The following HPCAL1 variants were observed in gnomAD, a reference collection of about 807,000 sequenced individuals.
HPCAL1 encodes the protein hippocalcin like 1.
In HPCAL1, 8 loss-of-function variants were observed where a neutral mutation model predicts 17.1. The observed-to-expected ratio is 0.47, with a 90% CI of 0.27 to 0.84. HPCAL1 has a LOEUF of 0.84. Ranked by LOEUF, HPCAL1 falls within the 40% of genes least tolerant of loss-of-function variation. HPCAL1 has a pLI of 0.13. For synonymous variants in HPCAL1, 112 were observed against 111.4 expected (o/e 1.01, Z -0.03); for missense variants, 165 against 271.1 (o/e 0.61, Z 2.75).
intron 1 of HPCAL1, among the ~76,000 whole-genome samples, chr2:10,340,765 G>A (rs544281480): frequency 2.6e-4 from 40 of 152,226 alleles, no homozygotes; most frequent in African/African-American, 8.7e-4. Flanking sequence ...GCAGGGCCCC[G>A]CAGTTCCCCC....
At chr2:10,306,562 A>G (rs1000672042) in intron 1 of HPCAL1, among the ~76,000 whole-genome samples, 27 of 152,348 alleles carry the variant, frequency 1.8e-4, no homozygotes, top group Middle Eastern at 3.4e-3. Flanking sequence ...ATATGGAGAC[A>G]GCAGCATGGG....
intron 3 of HPCAL1, among the ~76,000 whole-genome samples, chr2:10,420,693 CCAA>C (rs1334291813): frequency 2.6e-5 from 4 of 152,188 alleles, no homozygotes; most frequent in Non-Finnish European, 4.4e-5. Flanking sequence ...TCTTCATAAC[CCAA>C]CAACGTGGGT....
chr2:10,396,177 AT>A (rs1285402692), intron 1 of HPCAL1, among the ~76,000 whole-genome samples: 1 of 152,220 alleles, frequency 6.6e-6, no homozygotes, highest in Non-Finnish European at 1.5e-5. Context: ...TGCGGGCTGA[AT>A]GTCAGGTGAT....
intron 1 of HPCAL1, among the ~76,000 whole-genome samples, chr2:10,332,453 C>A (rs2125423466): frequency 6.6e-6 from 1 of 152,294 alleles, no homozygotes; most frequent in South Asian, 2.1e-4. Context: ...GCCCCCTGCC[C>A]CTTATCTAGA....
chr2:10,408,368 G>A (rs554345396), intron 2 of HPCAL1, among the ~76,000 whole-genome samples: 30 of 152,302 alleles, frequency 2.0e-4, no homozygotes, highest in East Asian at 9.6e-4. Context: ...AGAAGGTTTC[G>A]GTTGGATTTC....
chr2:10,322,743 A>G (rs1663743854), intron 1 of HPCAL1, among the ~76,000 whole-genome samples: 1 of 152,234 alleles, frequency 6.6e-6, no homozygotes, highest in Admixed American at 6.5e-5. Context: ...GCAGAAGAAG[A>G]CTGGGACCTT....
intron 1 of HPCAL1, among the ~76,000 whole-genome samples, chr2:10,315,736 G>A (rs1663274465): frequency 6.6e-6 from 1 of 152,208 alleles, no homozygotes. Context: ...TCCACGTGCG[G>A]TGGCTCATGC....
At chr2:10,415,735 G>A (rs1482884944) in intron 2 of HPCAL1, among the ~76,000 whole-genome samples, 1 of 152,122 alleles carries the variant, frequency 6.6e-6, no homozygotes, top group African/African-American at 2.4e-5. Context: ...AGAGCTCCAG[G>A]AAGTTGACCA....
intron 1 of HPCAL1, among the ~76,000 whole-genome samples, chr2:10,360,627 G>A (rs906078699): frequency 6.6e-6 from 1 of 152,172 alleles, no homozygotes; most frequent in African/African-American, 2.4e-5. Context: ...TGGCCAGGCT[G>A]GTCTGAAACT....
chr2:10,316,277 T>C (rs1015712074), intron 1 of HPCAL1, among the ~76,000 whole-genome samples: 1 of 152,182 alleles, frequency 6.6e-6, no homozygotes, highest in Non-Finnish European at 1.5e-5. Flanking sequence ...CCTTACTGTT[T>C]GTCATTCTAA....
rs973522691 is a variant in HPCAL1 at position 10,321,935 on chromosome 2, T to G, written c.-111+18758T>G. On this transcript the variant is annotated intron_variant, in intron 1 of 4. Transcript: ENST00000307845. The stretch of plus-strand genomic sequence containing the variant: ...AACAATGCTGCGAGGAACAAGTTTT[T>G]TTTGTACAAGCGTGCAAGTTTTTTG... Among the ~76,000 whole-genome samples the G allele has an allele frequency of 3.3e-5, 5 of 152,272 alleles. No individual in the cohort carries two copies. The East Asian group carries it at 9.6e-4, about 29-fold the overall frequency.
At chr2:10,332,557 G>A (rs1664451837) in intron 1 of HPCAL1, among the ~76,000 whole-genome samples, 1 of 152,184 alleles carries the variant, frequency 6.6e-6, no homozygotes, top group Non-Finnish European at 1.5e-5. Flanking sequence ...CCCTAGCTGG[G>A]CTGCAGGCTT....
chr2:10,388,675 T>TGA (rs1572786580), intron 1 of HPCAL1, among the ~76,000 whole-genome samples: 1 of 152,308 alleles, frequency 6.6e-6, no homozygotes, highest in Non-Finnish European at 1.5e-5. Context: ...GTGCTTAAAA[T>TGA]GAAATATAAA....
At position 10,419,330 on chromosome 2, in the gene HPCAL1, C is replaced by T. The variant is rs963181134; in HGVS notation, c.-24-404C>T. On this transcript the variant is annotated intron_variant, in intron 2 of 4. Transcript: ENST00000307845. The surrounding 1 kb of genome is among the most constrained non-coding windows in gnomAD (Gnocchi z 5.0). ...TGATGCCTGAAAGAGGGAAGAACTG[C>T]CCCAAAGAGTCTGGGATGTGGCTGA... Among the ~76,000 whole-genome samples, 3 of 152,162 alleles carry T rather than the reference C, an allele frequency of 2.0e-5. No homozygotes were observed. Among genetic ancestry groups the T allele is most frequent in the Non-Finnish European group, 4.4e-5 (3 of 68,034 alleles).
At position 10,420,491 on chromosome 2, in the gene HPCAL1, T is replaced by C. The variant is rs113136809; in HGVS notation, c.378+356T>C. ...AATGACAGGTGTGAGCCACCGTGCC[T>C]GGCCTCCCTGTGTTCTTTATGTTCA... On this transcript the variant is annotated intron_variant, in intron 3 of 4. Coordinates refer to ENST00000307845, the MANE Select transcript of HPCAL1 (RefSeq NM_002149.4). 9.9e-4 allele frequency among the ~76,000 whole-genome samples: 150 copies of C among 152,204 alleles called. 1 individual carries two copies. The highest frequency in any genetic ancestry group is 3.5e-3 in the African/African-American group (145 of 41,536).
At chr2:10,414,294 A>C (rs1558530218) in intron 2 of HPCAL1, among the ~76,000 whole-genome samples, 1 of 152,198 alleles carries the variant, frequency 6.6e-6, no homozygotes, top group Non-Finnish European at 1.5e-5. Context: ...TGCTACTGTA[A>C]CACGGGACTG....
At position 10,304,156 on chromosome 2, in the gene HPCAL1, C is replaced by G. The variant is rs116267545; in HGVS notation, c.-111+979C>G. On this transcript the variant is annotated intron_variant, in intron 1 of 4. Coordinates refer to ENST00000307845, the MANE Select transcript of HPCAL1 (RefSeq NM_002149.4). The surrounding 1 kb of genome is among the most constrained non-coding windows in gnomAD (Gnocchi z 4.1). ...GGGCGGCGCCGCCTCCGCGAGTGCC[C>G]GAGAGCGCCGCGCTGGGCGCCGGCC... Among the ~76,000 whole-genome samples the G allele has an allele frequency of 0.01, 1,581 of 152,270 alleles. 22 individuals are homozygous for G. Among genetic ancestry groups the G allele is most frequent in the African/African-American group, 0.036 (1,507 of 41,554 alleles).
chr2:10,313,594 T>G (rs1663117988), intron 1 of HPCAL1, among the ~76,000 whole-genome samples: 1 of 152,192 alleles, frequency 6.6e-6, no homozygotes, highest in African/African-American at 2.4e-5. Flanking sequence ...CCAACAAGGC[T>G]TTAGGGTTGG....
intron 1 of HPCAL1, among the ~76,000 whole-genome samples, chr2:10,382,559 A>G (rs1016283750): frequency 2.0e-5 from 3 of 150,982 alleles, no homozygotes; most frequent in Non-Finnish European, 4.4e-5. Flanking sequence ...TTTTGCTGTG[A>G]ACTAAACAGC....
Sources: gnomAD v4.1 joint callset for allele counts (sites outside exome capture counted in the v4.1 genomes callset) on GRCh38, gnomAD v4.1.1 for gene constraint, Gnocchi (gnomAD v3.1) non-coding constraint, MANE v1.5 for transcripts, NCBI Gene and HGNC (gene_info 2026-07-23, HGNC 2026-07-21) for gene names.